KCNK9: variants seen among roughly 807,000 people sequenced by gnomAD.
KCNK9 encodes the protein potassium two pore domain channel subfamily K member 9.
KCNK9 carries 1 observed loss-of-function variant against 10.8 expected under a neutral mutation model. The ratio of observed to expected loss-of-function variants is 0.09; its 90% CI spans 0.03 to 0.44. KCNK9 has a LOEUF of 0.44. Among genes scored for constraint, KCNK9 ranks in the 20% least tolerant of loss-of-function variants. The pLI is 0.97. For missense variants in KCNK9, 303 were observed against 515.0 expected (o/e 0.59, Z 3.98); for synonymous variants, 231 against 222.7 (o/e 1.04, Z -0.33).
At chr8:139,627,670 T>C (rs1175399059) in intron 1 of KCNK9, among the ~76,000 whole-genome samples, 1 of 152,284 alleles carries the variant, frequency 6.6e-6, no homozygotes, top group Non-Finnish European at 1.5e-5. Context: ...AGCCAGCGTT[T>C]CACTGTAAGT....
chr8:139,658,770 G>A (rs927644501), intron 1 of KCNK9, among the ~76,000 whole-genome samples: 2 of 152,246 alleles, frequency 1.3e-5, no homozygotes, highest in Admixed American at 1.3e-4. Context: ...CTGCCTCCAA[G>A]TGCAGGGCCA....
intron 1 of KCNK9, among the ~76,000 whole-genome samples, chr8:139,642,969 G>A (rs924108962): frequency 1.4e-4 from 22 of 152,254 alleles, no homozygotes; most frequent in African/African-American, 4.8e-4. Flanking sequence ...GATAGCTCCT[G>A]TCCCCTGCCA....
At chr8:139,632,502 G>C (rs750469411) in intron 1 of KCNK9, among the ~76,000 whole-genome samples, 1 of 152,178 alleles carries the variant, frequency 6.6e-6, no homozygotes, top group Non-Finnish European at 1.5e-5. Context: ...ACCTCCTCCT[G>C]CTCCTGGGCA....
At chr8:139,646,010 C>A (rs1465915117) in intron 1 of KCNK9, among the ~76,000 whole-genome samples, 1 of 152,226 alleles carries the variant, frequency 6.6e-6, no homozygotes, top group Non-Finnish European at 1.5e-5. Context: ...CAGACACTCC[C>A]TGGGGATGAT....
At chr8:139,676,643 A>G (rs1816555748) in intron 1 of KCNK9, among the ~76,000 whole-genome samples, 1 of 152,146 alleles carries the variant, frequency 6.6e-6, no homozygotes, top group Non-Finnish European at 1.5e-5. Context: ...CCTTCACGAC[A>G]CGGAGGCACA....
At chr8:139,689,238 C>T (rs73725171) in intron 1 of KCNK9, among the ~76,000 whole-genome samples, 5,159 of 152,316 alleles carry the variant, frequency 0.034, 292 homozygotes, top group African/African-American at 0.12. Context: ...CTGTCTTACT[C>T]TGTAATGGCA....
In KCNK9 at chr8:139,702,793, A is replaced by G; in HGVS notation, c.200T>C (p.Leu67Pro). Residue 67 changes from leucine to proline, a missense_variant, in exon 1 of 2, where the codon CTG (leucine) becomes CCG (proline). By Grantham distance (98) the Leu-to-Pro change is moderately conservative (BLOSUM62 -3). Coordinates refer to ENST00000520439, the MANE Select transcript of KCNK9 (RefSeq NM_001282534.2). This position sits in a 1 kb window ranked among gnomAD's most constrained non-coding sequence, Gnocchi z 7.5. ...GCCGGCGCGGTGCGGTTCCGACTGC[A>G]GGATCACCAGCTCCAGCTGCCGGTA... is the stretch of plus-strand genomic sequence containing the variant. Reference protein sequence around the residue: ...EDYRQLELVILQSEPHRAGVQ... With the variant: ...EDYRQLELVIPQSEPHRAGVQ... 1 of 1,613,820 alleles carries G rather than the reference A, an allele frequency of 6.2e-7. No homozygotes were observed. The highest frequency in any genetic ancestry group is 8.5e-7 in the Non-Finnish European group (1 of 1,179,928).
downstream of KCNK9, among the ~76,000 whole-genome samples, chr8:139,613,526 A>G (rs893689338): frequency 6.6e-6 from 1 of 152,098 alleles, no homozygotes; most frequent in Non-Finnish European, 1.5e-5. Context: ...CCTGCCAAAC[A>G]AAGTGATTTT....
downstream of KCNK9, among the ~76,000 whole-genome samples, chr8:139,611,170 A>G (rs572906922): frequency 1.3e-5 from 2 of 152,380 alleles, no homozygotes; most frequent in South Asian, 2.1e-4. Flanking sequence ...TGAGAAATGC[A>G]AACATGTATA....
At position 139,680,067 on chromosome 8, in the gene KCNK9, C is replaced by T. The variant is rs141583425; in HGVS notation, c.283+22643G>A. Among the ~76,000 whole-genome samples the T allele has an allele frequency of 5.8e-4, 88 of 152,288 alleles. 1 individual carries two copies. In the East Asian group the frequency reaches 0.013, roughly 22 times the overall value. ...CACCCCGACCAGGTCTCTTCCCTTG[C>T]GCCACCTGCTCCCACCTCATACCTA... On this transcript the variant is annotated intron_variant, in intron 1 of 1. Transcript: ENST00000520439.
Position 139,680,857 on chromosome 8 carries a change from C to CA in KCNK9, c.283+21852dup, listed in dbSNP as rs1816672919. Among the ~76,000 whole-genome samples, 4 of 152,104 alleles carry CA rather than the reference C, an allele frequency of 2.6e-5. No homozygotes were observed. The South Asian group carries it at 8.3e-4, about 31-fold the overall frequency. On this transcript the variant is annotated intron_variant, in intron 1 of 1. Transcript: ENST00000520439. ...CTCTCTGATCCCAAGGTCTAGGGTG[C>CA]AAAATCTAAACTCCTCCTCACAATC... is the stretch of plus-strand genomic sequence containing the variant.
chr8:139,656,151 C>A (rs992187053), intron 1 of KCNK9, among the ~76,000 whole-genome samples: 3 of 152,286 alleles, frequency 2.0e-5, no homozygotes, highest in Admixed American at 6.5e-5. Context: ...GGCTGATGCC[C>A]CCAGGTGCAG....
Position 139,619,020 on chromosome 8 carries a change from T to C in KCNK9, c.363A>G (p.Thr121=), listed in dbSNP as rs780561134. 3.1e-6 allele frequency: 5 copies of C among 1,614,138 alleles called. No individual in the cohort carries two copies. The Admixed American group carries it at 6.7e-5, about 22-fold the overall frequency. The change falls in exon 2 of 2, where the codon ACA becomes ACG. Residue 121 remains threonine, a synonymous_variant. Coordinates refer to ENST00000520439, the MANE Select transcript of KCNK9 (RefSeq NM_001282534.2). The part of the protein sequence containing the change: ...MFYAVLGIPL[T]LVMFQSLGER... ...CGCCCAGGCTCTGGAACATGACCAG[T>C]GTCAGCGGGATGCCCAGCACGGCGT...
rs1814688124 is a variant in KCNK9, at chr8:139,618,941, C to T, written c.442G>A (p.Gly148Ser). Residue 148 changes from glycine to serine, a missense_variant, in exon 2 of 2, where the codon GGC (glycine) becomes AGC (serine). Physicochemically the swap from Gly to Ser is moderately conservative, Grantham distance 56. Around this residue, in one of 5 missense-constraint regions of KCNK9, gnomAD observed 32 missense variants for 30.2 expected, o/e 1.06. Transcript: ENST00000520439. The surrounding 1 kb of genome is among the most constrained non-coding windows in gnomAD (Gnocchi z 7.9). ...YLLKRIKKCCGMRNTDVSMEN... is the reference protein window; with the variant it reads ...YLLKRIKKCCSMRNTDVSMEN... The stretch of plus-strand genomic sequence containing the variant: ...ATAGACACGTCAGTGTTGCGCATGC[C>T]ACAGCACTTCTTAATGCGCTTCAGC... 1.2e-6 allele frequency: 2 copies of T among 1,614,232 alleles called. No individual in the cohort carries two copies. The highest frequency in any genetic ancestry group is 1.3e-5 in the African/African-American group (1 of 75,058).
intron 1 of KCNK9, among the ~76,000 whole-genome samples, chr8:139,674,234 ATAG>A (rs1372769969): frequency 6.6e-6 from 1 of 152,178 alleles, no homozygotes; most frequent in African/African-American, 2.4e-5. Flanking sequence ...GAGGGCCCTC[ATAG>A]AAGAGGAAGG....
chr8:139,601,553 CAGA>C (rs1384268537), exon 3 of KCNK9: 5 of 152,230 alleles, frequency 3.3e-5, no homozygotes, highest in South Asian at 2.1e-4. Context: ...GCCTCACTTA[CAGA>C]AGGAGAGAGC....
chr8:139,637,863 C>A (rs1380998837), intron 1 of KCNK9, among the ~76,000 whole-genome samples: 2 of 151,722 alleles, frequency 1.3e-5, no homozygotes, highest in Non-Finnish European at 2.9e-5. Context: ...GCAGACCTCA[C>A]CCCTGGGCAC....
intron 1 of KCNK9, among the ~76,000 whole-genome samples, chr8:139,666,299 T>C (rs139955111): frequency 9.4e-4 from 143 of 152,296 alleles, no homozygotes; most frequent in African/African-American, 3.3e-3. Context: ...TCCTATTGTG[T>C]AGGGTGGGTA....
chr8:139,648,739 A>G (rs959897589), intron 1 of KCNK9, among the ~76,000 whole-genome samples: 2 of 152,208 alleles, frequency 1.3e-5, no homozygotes, highest in Admixed American at 6.5e-5. Context: ...AGAGCCCACC[A>G]CCAGGCCTCT....
Sources: allele counts gnomAD v4.1 joint callset (sites outside exome capture counted in the v4.1 genomes callset), GRCh38; gene constraint gnomAD v4.1.1; regional missense constraint gnomAD v4.1.1; non-coding constraint Gnocchi (gnomAD v3.1); transcripts MANE v1.5; gene names NCBI Gene and HGNC (gene_info 2026-07-23, HGNC 2026-07-21).